CHGB: variants seen among roughly 807,000 people sequenced by gnomAD.
CHGB encodes the protein chromogranin B.
CHGB carries 46 observed loss-of-function variants against 69.9 expected under a neutral mutation model. The ratio of observed to expected loss-of-function variants is 0.66; its 90% CI spans 0.52 to 0.84. The LOEUF (loss-of-function observed/expected upper bound fraction) is 0.84, where lower values mean the gene tolerates loss of function less well. Among genes scored for constraint, CHGB ranks in the 40% least tolerant of loss-of-function variants. The pLI is 0.00. For synonymous variants in CHGB, 312 were observed against 298.2 expected (o/e 1.05, Z -0.48); for missense variants, 796 against 822.2 (o/e 0.97, Z 0.39).
chr20:5,913,929 G>T (rs2088461446), intron 1 of CHGB, among the ~76,000 whole-genome samples: 1 of 152,030 alleles, frequency 6.6e-6, no homozygotes, highest in South Asian at 2.1e-4. Flanking sequence ...ACTGCACCCG[G>T]CCGGGAAAAT....
intron 3 of CHGB, among the ~76,000 whole-genome samples, chr20:5,920,245 C>T (rs1600213263): frequency 6.6e-6 from 1 of 152,310 alleles, no homozygotes; most frequent in South Asian, 2.1e-4. Context: ...TTAAGACTCA[C>T]AAACCAGTAG....
intron 3 of CHGB, among the ~76,000 whole-genome samples, chr20:5,920,533 C>G (rs911446190): frequency 6.6e-6 from 1 of 152,180 alleles, no homozygotes; most frequent in Admixed American, 6.5e-5. Flanking sequence ...CTGGTGGAGA[C>G]AGAAATCATC....
chr20:5,914,389 C>T (rs912592752), intron 1 of CHGB, among the ~76,000 whole-genome samples: 1 of 152,060 alleles, frequency 6.6e-6, no homozygotes, highest in Non-Finnish European at 1.5e-5. Context: ...TTCATAAATA[C>T]AAACCTAAGC....
chr20:5,911,749 C>A, intron 1 of CHGB, 67 bp downstream of exon 1: 2 of 1,324,024 alleles, frequency 1.5e-6, no homozygotes, highest in Non-Finnish European at 9.7e-7. Context: ...CCGCCGCTCC[C>A]GCAGCCAGGC....
intron 1 of CHGB, among the ~76,000 whole-genome samples, chr20:5,913,934 G>GAA (rs1198763768): frequency 6.6e-6 from 1 of 151,974 alleles, no homozygotes; most frequent in Non-Finnish European, 1.5e-5. Flanking sequence ...ACCCGGCCGG[G>GAA]AAAATGGTTT....
intron 3 of CHGB, among the ~76,000 whole-genome samples, chr20:5,920,012 G>T (rs1172549152): frequency 3.5e-5 from 5 of 143,234 alleles, no homozygotes; most frequent in African/African-American, 1.3e-4. Context: ...CATCCTTACA[G>T]CATGACAGAT....
intron 3 of CHGB, among the ~76,000 whole-genome samples, chr20:5,921,730 C>T (rs2088515006): frequency 1.3e-5 from 2 of 152,178 alleles, no homozygotes; most frequent in East Asian, 3.8e-4. Context: ...TCACCAGCTA[C>T]TAAGTTATAT....
chr20:5,913,778 T>C (rs946840832), intron 1 of CHGB, among the ~76,000 whole-genome samples: 2 of 151,734 alleles, frequency 1.3e-5, no homozygotes, highest in African/African-American at 2.4e-5. Flanking sequence ...TACAGGTGTG[T>C]GTCACCACGC....
intron 3 of CHGB, 114 bp from the exon 4 acceptor site, chr20:5,922,221 A>C (rs1411298003): frequency 1.5e-6 from 2 of 1,344,488 alleles, no homozygotes; most frequent in Admixed American, 6.0e-5. Context: ...ATTAACTTAA[A>C]TAATTATCCA....
chr20:5,917,349 T>C (rs1024594955), intron 3 of CHGB: 21 of 163,134 alleles, frequency 1.3e-4, no homozygotes, highest in Admixed American at 8.2e-4. Flanking sequence ...TTAAAAATCA[T>C]TCTTCTCTTT....
In CHGB at chr20:5,923,477, C is replaced by T. The variant is rs74728352; in HGVS notation, c.1333C>T (p.His445Tyr). Reference protein sequence around the residue: ...REEKRFLGEGHHRVQENQMDK... With the variant: ...REEKRFLGEGYHRVQENQMDK... ...AGAGAAAAGGTTCTTGGGTGAAGGA[C>T]ACCACCGTGTCCAAGAAAACCAGAT... is the stretch of plus-strand genomic sequence containing the variant. Residue 445 changes from histidine (H) to tyrosine (Y), a missense_variant, in exon 4 of 5, where the codon CAC (histidine) becomes TAC (tyrosine). His to Tyr is a moderately conservative substitution (Grantham distance 83). Coordinates refer to ENST00000378961, the MANE Select transcript of CHGB (RefSeq NM_001819.3). 6.2e-7 allele frequency: 1 copy of T among 1,614,100 alleles called. No homozygotes were observed. The highest frequency in any genetic ancestry group is 1.3e-5 in the African/African-American group (1 of 75,010).
chr20:5,915,763 C>T (rs1481605369), intron 1 of CHGB: 1 of 152,154 alleles, frequency 6.6e-6, no homozygotes, highest in Non-Finnish European at 1.5e-5. Context: ...GGCCCTGTCA[C>T]CCAGGCTGGA....
chr20:5,916,421 G>T (rs1175955281), intron 2 of CHGB, 49 bp downstream of exon 2: 1 of 1,472,556 alleles, frequency 6.8e-7, no homozygotes. Flanking sequence ...CTAGACTCTA[G>T]ATTCTCCCAG....
Position 5,924,996 on chromosome 20 carries a change from G to A in CHGB, c.1981G>A (p.Ala661Thr). Residue 661 changes from alanine to threonine, a missense_variant, in exon 5 of 5, where the codon GCA becomes ACA. This residue lies in a region of CHGB where 274 missense variants were observed against 298.9 expected (regional missense o/e 0.92). Coordinates refer to ENST00000378961, the MANE Select transcript of CHGB (RefSeq NM_001819.3). ...GAAAAAAGAACTCGAAAACTTGGCT[G>A]CAATGGATTTGGAACTACAGAAGAT... Reference protein sequence around the residue: ...DEKKELENLAAMDLELQKIAE... With the variant: ...DEKKELENLATMDLELQKIAE... 1.9e-6 allele frequency: 3 copies of A among 1,613,178 alleles called. No individual in the cohort carries two copies. The highest frequency in any genetic ancestry group is 2.5e-6 in the Non-Finnish European group (3 of 1,179,372).
intron 1 of CHGB, 137 bp downstream of exon 1, chr20:5,911,819 T>C (rs2088448705): frequency 2.4e-6 from 2 of 843,796 alleles, no homozygotes; most frequent in African/African-American, 1.8e-5. Context: ...CTTCGTTTCT[T>C]CTCCTCCCTG....
chr20:5,918,588 G>A (rs1199761281), intron 3 of CHGB, among the ~76,000 whole-genome samples: 1 of 151,406 alleles, frequency 6.6e-6, no homozygotes, highest in Non-Finnish European at 1.5e-5. Flanking sequence ...TGAGGCGGGC[G>A]GATCACAAGG....
At chr20:5,920,417 C>A (rs986827152) in intron 3 of CHGB, among the ~76,000 whole-genome samples, 1 of 151,932 alleles carries the variant, frequency 6.6e-6, no homozygotes, top group Non-Finnish European at 1.5e-5. Flanking sequence ...AAACAACTAA[C>A]ATTTATTTTT....
In CHGB at chr20:5,916,981, C is replaced by G. The variant is rs2122569576; in HGVS notation, c.190+62C>G. On this transcript the variant is annotated intron_variant, in intron 3 of 4. Coordinates refer to ENST00000378961, the MANE Select transcript of CHGB (RefSeq NM_001819.3). ...GCAGTGATCCTTGTTCCTACTCCCT[C>G]CACATCACCTTCTACTTTATCTACA... The G allele has an allele frequency of 6.4e-6, 9 of 1,413,872 alleles. No individual in the cohort carries two copies. In the South Asian group the frequency reaches 1.0e-4, roughly 16 times the overall value. The allele number at this position is 1,413,872 out of a possible 1,614,324, so 87.6% of individuals were successfully genotyped here.
At position 5,913,280 on chromosome 20, in the gene CHGB, T is replaced by A. The variant is rs976345555; in HGVS notation, c.49+1598T>A. 3.3e-5 allele frequency among the ~76,000 whole-genome samples: 5 copies of A among 152,356 alleles called. No individual in the cohort carries two copies. In the South Asian group the frequency reaches 1.0e-3, roughly 32 times the overall value. On this transcript the variant is annotated intron_variant, in intron 1 of 4. Transcript: ENST00000378961. ...TGGTTTTTGGTATATTCGCAGATTG[T>A]GCAACTATTACCACTATCAAATTTC...
Sources: allele counts gnomAD v4.1 joint callset (sites outside exome capture counted in the v4.1 genomes callset), GRCh38; gene constraint gnomAD v4.1.1; regional missense constraint gnomAD v4.1.1; transcripts MANE v1.5; gene names NCBI Gene and HGNC (gene_info 2026-07-23, HGNC 2026-07-21).